CSGALNACT1: variants seen among roughly 807,000 people sequenced by gnomAD.
CSGALNACT1 encodes the protein chondroitin sulfate N-acetylgalactosaminyltransferase 1.
CSGALNACT1 carries 52 observed loss-of-function variants against 51.0 expected under a neutral mutation model. That is an observed-to-expected ratio of 1.02 (90% confidence interval 0.82 to 1.29). The LOEUF is 1.29. Ranked by LOEUF, CSGALNACT1 falls within the 50% of genes most tolerant of loss-of-function variation. The pLI, the probability that CSGALNACT1 is intolerant of heterozygous loss-of-function variation, is 0.00. For synonymous variants in CSGALNACT1, 341 were observed against 254.4 expected (o/e 1.34, Z -3.24); for missense variants, 935 against 679.2 (o/e 1.38, Z -4.19).
At chr8:19,461,893 T>TGTC (rs2065616228) in intron 4 of CSGALNACT1, among the ~76,000 whole-genome samples, 1 of 103,080 alleles carries the variant, frequency 9.7e-6, no homozygotes, top group African/African-American at 3.1e-5. Flanking sequence ...CAGCCACATT[T>TGTC]ACCATGGAGG....
intron 3 of CSGALNACT1, among the ~76,000 whole-genome samples, chr8:19,567,986 A>G (rs1305846603): frequency 1.3e-5 from 2 of 152,220 alleles, no homozygotes; most frequent in African/African-American, 4.8e-5. Flanking sequence ...TGAGTTCTCT[A>G]AAAGTAGCTC....
At chr8:19,575,073 C>T (rs953007275) in intron 3 of CSGALNACT1, among the ~76,000 whole-genome samples, 1 of 152,062 alleles carries the variant, frequency 6.6e-6, no homozygotes, top group African/African-American at 2.4e-5. Context: ...CATAATATGA[C>T]CGTTTTAGAG....
chr8:19,650,807 T>G (rs1242023458), intron 1 of CSGALNACT1, among the ~76,000 whole-genome samples: 1 of 152,212 alleles, frequency 6.6e-6, no homozygotes, highest in Non-Finnish European at 1.5e-5. Flanking sequence ...GGCCAGGAAG[T>G]GAGTCTTGGC....
chr8:19,422,442 C>A (rs1202311810), intron 6 of CSGALNACT1, among the ~76,000 whole-genome samples: 2 of 152,154 alleles, frequency 1.3e-5, no homozygotes, highest in Non-Finnish European at 1.5e-5. Context: ...CTCGGCCTCC[C>A]AAAGTGCTAG....
intron 1 of CSGALNACT1, among the ~76,000 whole-genome samples, chr8:19,751,401 T>A (rs1055405283): frequency 5.3e-5 from 8 of 152,328 alleles, no homozygotes; most frequent in South Asian, 4.2e-4. Context: ...TAACCGTTTT[T>A]ATCATGGGAA....
intron 1 of CSGALNACT1, among the ~76,000 whole-genome samples, chr8:19,667,919 T>C (rs1313448867): frequency 6.6e-6 from 1 of 152,050 alleles, no homozygotes; most frequent in Non-Finnish European, 1.5e-5. Context: ...ACTAAATATT[T>C]TAAGAAGAAA....
At chr8:19,589,633 G>C (rs1306774337) in intron 3 of CSGALNACT1, among the ~76,000 whole-genome samples, 1 of 152,050 alleles carries the variant, frequency 6.6e-6, no homozygotes, top group Non-Finnish European at 1.5e-5. Context: ...GCACAGTCTA[G>C]GAAAGTTTTT....
intron 7 of CSGALNACT1, 109 bp downstream of exon 6, chr8:19,420,231 C>G (rs868516173): frequency 9.8e-7 from 1 of 1,016,470 alleles, no homozygotes; most frequent in African/African-American, 1.6e-5. Flanking sequence ...TGAAGTAAAA[C>G]AGGCTGATTC....
intron 5 of CSGALNACT1, among the ~76,000 whole-genome samples, chr8:19,450,628 A>G (rs2153799312): frequency 6.6e-6 from 1 of 152,250 alleles, no homozygotes; most frequent in Admixed American, 6.5e-5. Context: ...CAGGTACAGT[A>G]GCTCACGCCT....
At chr8:19,708,377 C>G (rs1239307946) in intron 1 of CSGALNACT1, among the ~76,000 whole-genome samples, 1 of 152,152 alleles carries the variant, frequency 6.6e-6, no homozygotes, top group Non-Finnish European at 1.5e-5. Flanking sequence ...AAAACTGATC[C>G]ATTGATTAAC....
At chr8:19,596,167 C>T (rs758421081) in intron 2 of CSGALNACT1, among the ~76,000 whole-genome samples, 1 of 152,136 alleles carries the variant, frequency 6.6e-6, no homozygotes. Context: ...CGTGCCCAGC[C>T]TCATTTTCAG....
chr8:19,622,854 A>G (rs2053993176), intron 1 of CSGALNACT1, among the ~76,000 whole-genome samples: 1 of 152,214 alleles, frequency 6.6e-6, no homozygotes, highest in African/African-American at 2.4e-5. Flanking sequence ...AAGTAGTAAG[A>G]TGGTAGATTG....
rs77684979 is a variant in CSGALNACT1 at position 19,755,112 on chromosome 8, G to A, written c.-297+2738C>T. On this transcript the variant is annotated intron_variant, in intron 1 of 1. Coordinates refer to the CSGALNACT1 transcript ENST00000517494. ...GGCACTGTGTTAGACATGGAGGAAAGAGGAAAGATGAGGACCCTTGCAGAC... is the reference window on the plus strand; with the variant it reads ...GGCACTGTGTTAGACATGGAGGAAAAAGGAAAGATGAGGACCCTTGCAGAC... Among the ~76,000 whole-genome samples, 179 of 152,326 alleles carry A rather than the reference G, an allele frequency of 1.2e-3. 1 individual carries two copies. The East Asian group carries it at 0.03, about 26-fold the overall frequency.
chr8:19,706,071 TA>T (rs1178766404), intron 1 of CSGALNACT1, among the ~76,000 whole-genome samples: 1 of 152,014 alleles, frequency 6.6e-6, no homozygotes, highest in African/African-American at 2.4e-5. Context: ...TCAGATCAAA[TA>T]AAAACTAAAA....
intron 3 of CSGALNACT1, among the ~76,000 whole-genome samples, chr8:19,564,164 G>C (rs144567442): frequency 1.3e-5 from 2 of 152,228 alleles, no homozygotes; most frequent in East Asian, 3.9e-4. Context: ...TTTTAAAAGA[G>C]GAAACCAGGT....
intron 6 of CSGALNACT1, among the ~76,000 whole-genome samples, chr8:19,421,031 C>G (rs1007513356): frequency 6.6e-6 from 1 of 152,200 alleles, no homozygotes; most frequent in African/African-American, 2.4e-5. Context: ...TCCGCATCCT[C>G]GGGTAAAGCA....
chr8:19,622,377 T>C lies in CSGALNACT1; in HGVS notation c.-543-20512A>G, dbSNP rs192820804. Among the ~76,000 whole-genome samples, 4 of 152,356 alleles carry C rather than the reference T, an allele frequency of 2.6e-5. No homozygotes were observed. In the East Asian group the frequency reaches 7.7e-4, roughly 29 times the overall value. On this transcript the variant is annotated intron_variant, in intron 1 of 9. Transcript: ENST00000332246. ...TCAATAGTGTACTTGACCCAGATCT[T>C]ATTGGTTCATGAGAGACAACTATTA...
chr8:19,707,654 G>A (rs568805739), intron 1 of CSGALNACT1, among the ~76,000 whole-genome samples: 17 of 152,024 alleles, frequency 1.1e-4, no homozygotes, highest in African/African-American at 4.1e-4. Flanking sequence ...TAGATAAACA[G>A]TATATGTTTA....
At chr8:19,549,200 T>C (rs1254126405) in intron 3 of CSGALNACT1, among the ~76,000 whole-genome samples, 1 of 152,128 alleles carries the variant, frequency 6.6e-6, no homozygotes, top group African/African-American at 2.4e-5. Context: ...CAACACACTT[T>C]TCCTCTCCAT....
Sources: allele counts gnomAD v4.1 joint callset (sites outside exome capture counted in the v4.1 genomes callset), GRCh38; gene constraint gnomAD v4.1.1; transcripts MANE v1.5; gene names NCBI Gene and HGNC (gene_info 2026-07-23, HGNC 2026-07-21).